The following AFDN variants were observed in gnomAD, a reference collection of about 807,000 sequenced individuals.
The protein encoded by AFDN is afadin, adherens junction formation factor.
A neutral mutation model predicts 216.6 loss-of-function variants in AFDN; 68 were observed. The observed-to-expected ratio is 0.31, with a 90% CI of 0.26 to 0.38. The LOEUF (loss-of-function observed/expected upper bound fraction) is 0.38, where lower values mean the gene tolerates loss of function less well. Among genes scored for constraint, AFDN ranks in the 10% least tolerant of loss-of-function variants. The pLI is 1.00. For missense variants in AFDN, 2,136 were observed against 2,342.0 expected (o/e 0.91, Z 1.82); for synonymous variants, 868 against 853.7 (o/e 1.02, Z -0.29).
At chr6:167,940,308 T>TGG (rs1345900390) in intron 23 of AFDN, among the ~76,000 whole-genome samples, 1 of 102,996 alleles carries the variant, frequency 9.7e-6, no homozygotes, top group African/African-American at 4.0e-5. Context: ...ACAGGAGACA[T>TGG]GTGGACAGAC....
intron 1 of AFDN, among the ~76,000 whole-genome samples, chr6:167,856,208 A>AG (rs2128198197): frequency 6.6e-6 from 1 of 152,270 alleles, no homozygotes; most frequent in East Asian, 1.9e-4. Context: ...AAAATGCAAG[A>AG]GGGGTGATGC....
chr6:167,918,183 T>A (rs188577554), intron 20 of AFDN, among the ~76,000 whole-genome samples: 1 of 152,330 alleles, frequency 6.6e-6, no homozygotes, highest in East Asian at 1.9e-4. Flanking sequence ...TTATGAACTT[T>A]CCTATATGTG....
At chr6:167,943,592 C>T in intron 25 of AFDN, 117 bp downstream of exon 25, 1 of 782,542 alleles carries the variant, frequency 1.3e-6, no homozygotes, top group Non-Finnish European at 2.2e-6. Context: ...TACTCTTTAC[C>T]TTTTATAGTG....
intron 30 of AFDN, chr6:167,954,420 C>T: frequency 1.3e-6 from 2 of 1,551,080 alleles, no homozygotes; most frequent in East Asian, 2.3e-5. Flanking sequence ...TTCCACACTT[C>T]ATCTTTCTTT....
intron 11 of AFDN, 91 bp from the exon 12 acceptor site, chr6:167,902,226 G>T: frequency 1.1e-6 from 1 of 907,854 alleles, no homozygotes. Flanking sequence ...TTGACATTTG[G>T]TATTTTAGTT....
At chr6:167,965,457 AGAG>A (rs1797447271) in intron 31 of AFDN, among the ~76,000 whole-genome samples, 1 of 152,234 alleles carries the variant, frequency 6.6e-6, no homozygotes, top group African/African-American at 2.4e-5. Context: ...GAAGGAAAGC[AGAG>A]GAGAATTCAG....
chr6:167,833,860 T>C (rs1332768544), intron 1 of AFDN, among the ~76,000 whole-genome samples: 1 of 152,208 alleles, frequency 6.6e-6, no homozygotes, highest in Non-Finnish European at 1.5e-5. Flanking sequence ...AGTATAAAAT[T>C]CATAGATTGA....
At chr6:167,931,809 G>C (rs759849909) in intron 23 of AFDN, among the ~76,000 whole-genome samples, 1 of 152,142 alleles carries the variant, frequency 6.6e-6, no homozygotes, top group Non-Finnish European at 1.5e-5. Context: ...CCTGCCCTGC[G>C]TCTTACTGAG....
At chr6:167,969,059 TA>T in intron 32 of AFDN, 54 bp from the exon 33 acceptor site, 1 of 1,377,530 alleles carries the variant, frequency 7.3e-7, no homozygotes, top group Non-Finnish European at 1.0e-6. Flanking sequence ...TTATCATGAG[TA>T]AAGCTTAGAA....
chr6:167,967,526 C>T (rs1797685847), intron 32 of AFDN, among the ~76,000 whole-genome samples: 1 of 152,066 alleles, frequency 6.6e-6, no homozygotes, highest in Non-Finnish European at 1.5e-5. Context: ...AGCAGGATGC[C>T]ATCAGTCTCC....
rs140848642 is a variant in AFDN at position 167,868,301 on chromosome 6, C to T, written c.302-2085C>T. ...TAGCATGTACCTATAGTCACAGCTA[C>T]TCAAGAGGCTGAGGTTGGAGGGCTA... On this transcript the variant is annotated intron_variant, in intron 2 of 33. Coordinates refer to ENST00000683244, the MANE Select transcript of AFDN (RefSeq NM_001386888.1). Among the ~76,000 whole-genome samples, 1,138 of 152,266 alleles carry T rather than the reference C, an allele frequency of 7.5e-3. 18 individuals carry two copies. Among genetic ancestry groups the T allele is most frequent in the African/African-American group, 0.026 (1,083 of 41,542 alleles).
intron 15 of AFDN, 128 bp from the exon 16 acceptor site, chr6:167,913,275 C>A: frequency 1.1e-6 from 1 of 879,834 alleles, no homozygotes; most frequent in Non-Finnish European, 1.8e-6. Flanking sequence ...TTGGGAATAA[C>A]ATAACTAAAT....
chr6:167,959,024 G>A (rs889192408), intron 30 of AFDN, among the ~76,000 whole-genome samples: 3 of 152,188 alleles, frequency 2.0e-5, no homozygotes, highest in Admixed American at 6.5e-5. Context: ...AAACCAACAC[G>A]TATATATTGC....
chr6:167,948,157 C>A, intron 28 of AFDN, 136 bp from the exon 29 acceptor site: 1 of 820,948 alleles, frequency 1.2e-6, no homozygotes, highest in Non-Finnish European at 1.9e-6. Context: ...GTTATTTATT[C>A]TCAGTATGGA....
At chr6:167,877,630 TAATG>T (rs1348938153) in intron 5 of AFDN, among the ~76,000 whole-genome samples, 1 of 152,182 alleles carries the variant, frequency 6.6e-6, no homozygotes, top group Non-Finnish European at 1.5e-5. Context: ...CCAAAAGTAT[TAATG>T]AAGTCCAAGG....
In AFDN at chr6:167,969,317, G is replaced by C. The variant is rs569159497; in HGVS notation, c.5342+119G>C. 158 of 771,924 alleles carry C rather than the reference G, an allele frequency of 2.0e-4. No individual in the cohort carries two copies. The African/African-American group carries it at 2.6e-3, about 13-fold the overall frequency. 47.8% of individuals were successfully genotyped at this position (771,924 alleles called of 1,614,324 possible). On this transcript the variant is annotated intron_variant, in intron 33 of 33. Coordinates refer to ENST00000683244, the MANE Select transcript of AFDN (RefSeq NM_001386888.1). ...TGGCTTCACTCTGTGACCTCACCTGGATTGTAATTAGGAATGCTATTGCCC... is the reference window on the plus strand; with the variant it reads ...TGGCTTCACTCTGTGACCTCACCTGCATTGTAATTAGGAATGCTATTGCCC...
At chr6:167,852,695 T>G (rs1224035158) in intron 1 of AFDN, among the ~76,000 whole-genome samples, 3 of 152,192 alleles carry the variant, frequency 2.0e-5, no homozygotes, top group African/African-American at 7.2e-5. Flanking sequence ...CCTGTATTGC[T>G]TATTTTCCAG....
In AFDN at chr6:167,890,584, GGT is replaced by G. The variant is rs1204188344; in HGVS notation, c.1010-275_1010-274del. 5.3e-5 allele frequency among the ~76,000 whole-genome samples: 8 copies of G among 151,414 alleles called. No individual in the cohort carries two copies. The East Asian group carries it at 1.6e-3, about 29-fold the overall frequency. Reference sequence around the variant, plus strand: ...TAATGTAAGCATTTATTCTTAACCTGGTGTTTTTTTTTCAAGCTTATGATGTC... The same window carrying G: ...TAATGTAAGCATTTATTCTTAACCTGGTTTTTTTTTCAAGCTTATGATGTC... On this transcript the variant is annotated intron_variant, in intron 7 of 33. Coordinates refer to ENST00000683244, the MANE Select transcript of AFDN (RefSeq NM_001386888.1).
intron 31 of AFDN, chr6:167,964,785 T>C (rs1797374885): frequency 1.9e-6 from 2 of 1,066,228 alleles, no homozygotes; most frequent in Non-Finnish European, 2.3e-6. Flanking sequence ...TTACAATTCA[T>C]TGTACTTCAT....
Sources: gnomAD v4.1 joint callset for allele counts (sites outside exome capture counted in the v4.1 genomes callset) on GRCh38, gnomAD v4.1.1 for gene constraint, MANE v1.5 for transcripts, NCBI Gene and HGNC (gene_info 2026-07-23, HGNC 2026-07-21) for gene names.